The following DMD variants were observed in gnomAD, a reference collection of about 807,000 sequenced individuals.
DMD encodes the protein mutant dystrophin.
DMD carries 63 observed loss-of-function variants against 330.1 expected under a neutral mutation model. That is an observed-to-expected ratio of 0.19 (90% CI 0.16 to 0.24). The LOEUF is 0.24. Ranked by LOEUF, DMD falls within the 10% of genes least tolerant of loss-of-function variation. The probability of loss-of-function intolerance (pLI) is 1.00; values close to 1 mark genes in which losing one functional copy is unlikely to be tolerated. For missense variants in DMD, 3,344 were observed against 2,684.1 expected (o/e 1.25, Z -5.43); for synonymous variants, 1,223 against 959.8 (o/e 1.27, Z -5.07).
intron 45 of DMD, among the ~76,000 whole-genome samples, chrX:31,950,053 T>C (rs1463967224): frequency 9.0e-6 from 1 of 111,027 alleles, no homozygotes; most frequent in Non-Finnish European, 1.9e-5. Context: ...CTTACTGTGT[T>C]CTTCTTTTTC....
At chrX:32,982,200 A>C (rs2092723789) in intron 2 of DMD, among the ~76,000 whole-genome samples, 1 of 111,707 alleles carries the variant, frequency 9.0e-6, no homozygotes, top group African/African-American at 3.2e-5. Context: ...TTTTATAGAC[A>C]CTTGAATATG....
intron 44 of DMD, among the ~76,000 whole-genome samples, chrX:31,973,461 C>T (rs867773404): frequency 2.7e-5 from 3 of 110,213 alleles, no homozygotes; most frequent in Non-Finnish European, 5.7e-5. Context: ...GGACAAGAAT[C>T]CAGTCCATAT....
chrX:32,058,724 A>G (rs2096200575), intron 44 of DMD, among the ~76,000 whole-genome samples: 1 of 111,305 alleles, frequency 9.0e-6, no homozygotes, highest in Non-Finnish European at 1.9e-5. Context: ...AACTACCATA[A>G]GATCTAGCAA....
At chrX:31,716,748 T>TA (rs200602355) in intron 52 of DMD, among the ~76,000 whole-genome samples, 1 of 29,550 alleles carries the variant, frequency 3.4e-5, no homozygotes, top group Non-Finnish European at 4.7e-5. Context: ...AATTGATAGT[T>TA]TATATATCAG....
At chrX:31,254,724 A>C (rs184023811) in intron 63 of DMD, among the ~76,000 whole-genome samples, 79 of 111,066 alleles carry the variant, frequency 7.1e-4, no homozygotes, top group African/African-American at 2.3e-3. Flanking sequence ...GATTACTTAA[A>C]TTTGTAGTAA....
chrX:31,497,642 C>T (rs2070007764), intron 56 of DMD, among the ~76,000 whole-genome samples: 2 of 112,076 alleles, frequency 1.8e-5, no homozygotes, highest in African/African-American at 6.5e-5. Context: ...GAGTGCTTTA[C>T]CGTCAACTGT....
intron 60 of DMD, among the ~76,000 whole-genome samples, chrX:31,366,063 G>A (rs1410974568): frequency 8.9e-6 from 1 of 111,956 alleles, no homozygotes; most frequent in Non-Finnish European, 1.9e-5. Context: ...TTACCGGCAG[G>A]CACTCTGTTA....
chrX:31,918,373 T>C (rs2094638662), intron 47 of DMD, among the ~76,000 whole-genome samples: 1 of 111,254 alleles, frequency 9.0e-6, no homozygotes, highest in Non-Finnish European at 1.9e-5. Flanking sequence ...GACTGAGTTA[T>C]GAACTGCAAG....
At chrX:31,431,770 A>G (rs2064101973) in intron 60 of DMD, among the ~76,000 whole-genome samples, 1 of 109,244 alleles carries the variant, frequency 9.2e-6, no homozygotes, top group Non-Finnish European at 1.9e-5. Flanking sequence ...ACTGTTGAAC[A>G]TAAGACAAAT....
At chrX:32,104,241 A>G (rs1329251074) in intron 44 of DMD, among the ~76,000 whole-genome samples, 1 of 112,390 alleles carries the variant, frequency 8.9e-6, no homozygotes, top group African/African-American at 3.2e-5. Flanking sequence ...GGTAATACAT[A>G]ATCCTTCTGA....
At chrX:31,323,707 G>A (rs764795031) in intron 61 of DMD, 49 bp from the exon 62 acceptor site, 10 of 1,056,744 alleles carry the variant, frequency 9.5e-6, no homozygotes, top group Middle Eastern at 2.5e-4. Flanking sequence ...CAAATTCATC[G>A]CAAACAGGAA....
chrX:32,935,093 C>T (rs1408692452), intron 2 of DMD, among the ~76,000 whole-genome samples: 1 of 112,523 alleles, frequency 8.9e-6, no homozygotes, highest in South Asian at 3.6e-4. Context: ...ATTCTCCTGC[C>T]TCAGCCTCCC....
At chrX:31,572,368 G>C (rs1372674022) in intron 55 of DMD, among the ~76,000 whole-genome samples, 1 of 111,927 alleles carries the variant, frequency 8.9e-6, no homozygotes, top group Non-Finnish European at 1.9e-5. Flanking sequence ...ACCACCTTCA[G>C]ATTTCTTTCT....
intron 54 of DMD, among the ~76,000 whole-genome samples, chrX:31,637,375 GATCA>G (rs969140446): frequency 1.2e-4 from 13 of 111,700 alleles, no homozygotes; most frequent in African/African-American, 3.9e-4. Flanking sequence ...CCTTTTATAA[GATCA>G]ATTAAAATTT....
chrX:31,147,237 A>G, intron 75 of DMD, 38 bp downstream of exon 75: 2 of 1,210,351 alleles, frequency 1.7e-6, no homozygotes, highest in Non-Finnish European at 2.2e-6. Context: ...TTAAGAGGGA[A>G]AAATGAATGT....
At chrX:31,470,760 C>T (rs751403652) in intron 59 of DMD, among the ~76,000 whole-genome samples, 1 of 112,113 alleles carries the variant, frequency 8.9e-6, no homozygotes, top group Non-Finnish European at 1.9e-5. Context: ...GCTGCCCCTT[C>T]CCCGTGGTGC....
At chrX:33,138,702 G>T (rs1475954753) in intron 1 of DMD, among the ~76,000 whole-genome samples, 2 of 110,652 alleles carry the variant, frequency 1.8e-5, no homozygotes, top group Non-Finnish European at 3.8e-5. Flanking sequence ...TCCTGGAATA[G>T]ATTATTGTCA....
intron 52 of DMD, among the ~76,000 whole-genome samples, chrX:31,690,882 A>C (rs1436665232): frequency 9.1e-6 from 1 of 109,523 alleles, no homozygotes; most frequent in Non-Finnish European, 1.9e-5. Flanking sequence ...AAAACCAAAC[A>C]CCGCATGTTC....
chrX:31,306,360 G>A (rs1195716021), intron 62 of DMD, among the ~76,000 whole-genome samples: 1 of 111,334 alleles, frequency 9.0e-6, no homozygotes, highest in African/African-American at 3.3e-5. Flanking sequence ...ATGAAATTAT[G>A]TAAGGGCATA....
Sources: allele counts gnomAD v4.1 joint callset (sites outside exome capture counted in the v4.1 genomes callset), GRCh38; gene constraint gnomAD v4.1.1; transcripts MANE v1.5; gene names NCBI Gene and HGNC (gene_info 2026-07-23, HGNC 2026-07-21).